The following PTPRG variants were observed in gnomAD, a reference collection of about 807,000 sequenced individuals.
The protein encoded by PTPRG is protein tyrosine phosphatase receptor type G, also known as receptor-type tyrosine-protein phosphatase gamma.
PTPRG carries 102 observed loss-of-function variants against 165.3 expected under a neutral mutation model. The ratio of observed to expected loss-of-function variants is 0.62; its 90% CI spans 0.53 to 0.73. The LOEUF (loss-of-function observed/expected upper bound fraction) is 0.73, where lower values mean the gene tolerates loss of function less well. PTPRG is among the 30% of genes least tolerant of loss of function. The pLI, the probability that PTPRG is intolerant of heterozygous loss-of-function variation, is 0.00. For missense variants in PTPRG, 1,866 were observed against 1,861.4 expected (o/e 1.00, Z -0.05); for synonymous variants, 675 against 669.5 (o/e 1.01, Z -0.13).
At chr3:62,019,111 G>A (rs11715518) in intron 4 of PTPRG, among the ~76,000 whole-genome samples, 31,896 of 152,130 alleles carry the variant, frequency 0.21, 3,563 homozygotes, top group Admixed American at 0.29. Flanking sequence ...CTAACCAGGT[G>A]CTCATCTGTT....
intron 21 of PTPRG, 85 bp from the exon 22 acceptor site, chr3:62,272,861 T>G: frequency 1.5e-6 from 2 of 1,341,168 alleles, no homozygotes; most frequent in Non-Finnish European, 9.9e-7. Context: ...ATAAAATAAA[T>G]GGGGTTTAGA....
At chr3:62,269,574 G>C (rs1177071691) in intron 20 of PTPRG, among the ~76,000 whole-genome samples, 1 of 152,082 alleles carries the variant, frequency 6.6e-6, no homozygotes, top group African/African-American at 2.4e-5. Flanking sequence ...ATCAGATTCT[G>C]CTGTTCAAGA....
At chr3:61,736,396 T>G (rs1223315912) in intron 1 of PTPRG, among the ~76,000 whole-genome samples, 10 of 152,038 alleles carry the variant, frequency 6.6e-5, no homozygotes, top group Non-Finnish European at 1.3e-4. Flanking sequence ...TATTCTTTCT[T>G]TTCCTTATTT....
intron 5 of PTPRG, among the ~76,000 whole-genome samples, chr3:62,120,747 CAAAA>C (rs71123254): frequency 1.7e-5 from 2 of 115,818 alleles, no homozygotes; most frequent in South Asian, 2.9e-4. Context: ...GACTCCATCT[CAAAA>C]AAAAAAAAAG....
chr3:61,636,788 T>G (rs923312264), intron 1 of PTPRG, among the ~76,000 whole-genome samples: 1 of 152,232 alleles, frequency 6.6e-6, no homozygotes, highest in African/African-American at 2.4e-5. Context: ...GCTTTTTTTT[T>G]GTATGAAACA....
At chr3:61,923,497 G>A (rs139386881) in intron 2 of PTPRG, among the ~76,000 whole-genome samples, 152 of 151,742 alleles carry the variant, frequency 1.0e-3, no homozygotes, top group African/African-American at 3.6e-3. Context: ...ATGCTGGTGT[G>A]CTGCACCCAT....
intron 2 of PTPRG, among the ~76,000 whole-genome samples, chr3:61,763,631 A>C (rs1445223866): frequency 6.6e-6 from 1 of 151,552 alleles, no homozygotes; most frequent in African/African-American, 2.4e-5. Context: ...TCAGCCTCCC[A>C]AAGTGTTGGG....
chr3:61,820,897 TTGGACA>T (rs2035935155), intron 2 of PTPRG, among the ~76,000 whole-genome samples: 1 of 152,154 alleles, frequency 6.6e-6, no homozygotes, highest in South Asian at 2.1e-4. Flanking sequence ...AACACCTTTA[TTGGACA>T]TGGTGTTTTT....
chr3:62,020,268 T>C (rs1208833481), intron 4 of PTPRG, among the ~76,000 whole-genome samples: 1 of 152,238 alleles, frequency 6.6e-6, no homozygotes. Context: ...TTCCTACTTG[T>C]ACCTTGCTGC....
chr3:62,268,888 C>A, intron 19 of PTPRG, 147 bp from the exon 20 acceptor site: 1 of 844,974 alleles, frequency 1.2e-6, no homozygotes, highest in Non-Finnish European at 1.7e-6. Flanking sequence ...TCACACCTGC[C>A]TTTAAGCAGT....
Position 61,942,527 on chromosome 3 carries a change from C to T in PTPRG, c.191-47098C>T, listed in dbSNP as rs148029310. 2.0e-5 allele frequency among the ~76,000 whole-genome samples: 3 copies of T among 152,312 alleles called. No individual in the cohort carries two copies. In the East Asian group the frequency reaches 5.8e-4, roughly 29 times the overall value. On this transcript the variant is annotated intron_variant, in intron 2 of 29. Coordinates refer to ENST00000474889, the MANE Select transcript of PTPRG (RefSeq NM_002841.4). ...TTTATTGTTCACTTCATAATGAGAC[C>T]TGTGTTAGGCACATTTGCATATCTT...
chr3:61,579,159 TC>T (rs1425718511), intron 1 of PTPRG, among the ~76,000 whole-genome samples: 1 of 152,208 alleles, frequency 6.6e-6, no homozygotes, highest in Non-Finnish European at 1.5e-5. Context: ...AAGAGACTAG[TC>T]CTTCAGACCT....
At chr3:61,710,410 T>A (rs964489211) in intron 1 of PTPRG, among the ~76,000 whole-genome samples, 5 of 152,166 alleles carry the variant, frequency 3.3e-5, no homozygotes, top group Admixed American at 2.0e-4. Flanking sequence ...TGAGGTTAGA[T>A]AATAGTAGCC....
At chr3:61,611,802 T>C (rs937179024) in intron 1 of PTPRG, among the ~76,000 whole-genome samples, 1 of 152,238 alleles carries the variant, frequency 6.6e-6, no homozygotes, top group South Asian at 2.1e-4. Context: ...ACTCTGAAGT[T>C]GAATTTCATA....
At chr3:62,204,810 G>C in intron 12 of PTPRG, among the ~76,000 whole-genome samples, 1 of 152,170 alleles carries the variant, frequency 6.6e-6, no homozygotes, top group Non-Finnish European at 1.5e-5. Flanking sequence ...TCATCTCCTG[G>C]TGGCAATTTT....
intron 2 of PTPRG, among the ~76,000 whole-genome samples, chr3:61,891,424 G>A (rs1197891318): frequency 7.9e-5 from 12 of 152,206 alleles, no homozygotes; most frequent in Admixed American, 7.9e-4. Context: ...TGAATCCCCT[G>A]AAAGACAATG....
intron 4 of PTPRG, among the ~76,000 whole-genome samples, chr3:62,036,395 C>T (rs1699936426): frequency 6.6e-6 from 1 of 152,196 alleles, no homozygotes; most frequent in Admixed American, 6.5e-5. Flanking sequence ...GCTTCTGAAT[C>T]CTCTTTTCTT....
At chr3:62,116,142 C>A (rs1035635091) in intron 5 of PTPRG, among the ~76,000 whole-genome samples, 1 of 152,108 alleles carries the variant, frequency 6.6e-6, no homozygotes, top group Non-Finnish European at 1.5e-5. Flanking sequence ...AACCAGAGCC[C>A]AGAACCCAAA....
chr3:61,923,202 T>C (rs1363869102), intron 2 of PTPRG, among the ~76,000 whole-genome samples: 1 of 152,178 alleles, frequency 6.6e-6, no homozygotes, highest in Non-Finnish European at 1.5e-5. Context: ...AACTATTGTG[T>C]CTTCCCCAAA....
Sources: allele counts gnomAD v4.1 joint callset (sites outside exome capture counted in the v4.1 genomes callset), GRCh38; gene constraint gnomAD v4.1.1; transcripts MANE v1.5; gene names NCBI Gene and HGNC (gene_info 2026-07-23, HGNC 2026-07-21).